The following DNAH1 variants were observed in gnomAD, a reference collection of about 807,000 sequenced individuals.
DNAH1 encodes axonemal beta dynein heavy chain 1.
In DNAH1, 327 loss-of-function variants were observed where a neutral mutation model predicts 484.3. That is an observed-to-expected ratio of 0.68 (90% confidence interval 0.62 to 0.74). The LOEUF is 0.74. Ranked by LOEUF, DNAH1 falls within the 30% of genes least tolerant of loss-of-function variation. The pLI is 0.00. For missense variants in DNAH1, 5,052 were observed against 5,546.8 expected (o/e 0.91, Z 2.83); for synonymous variants, 2,192 against 2,191.9 (o/e 1.00, Z 0.00).
intron 17 of DNAH1, 137 bp from the exon 18 acceptor site, chr3:52,352,415 T>C: frequency 8.1e-7 from 1 of 1,235,446 alleles, no homozygotes; most frequent in Non-Finnish European, 1.1e-6. Context: ...AGGAACCTGC[T>C]CACTCCAGGA....
chr3:52,314,055 G>A (rs1394136280), upstream of DNAH1, among the ~76,000 whole-genome samples: 2 of 152,220 alleles, frequency 1.3e-5, no homozygotes, highest in African/African-American at 4.8e-5. Context: ...GGAGGGCTCA[G>A]CTAAGCCTCA....
At chr3:52,376,992 TG>T (rs917283720) in intron 46 of DNAH1, among the ~76,000 whole-genome samples, 4 of 152,084 alleles carry the variant, frequency 2.6e-5, no homozygotes, top group Non-Finnish European at 5.9e-5. Context: ...TCGGCTGGAC[TG>T]GGGCTTGGTC....
rs1703476612 is a variant in DNAH1, at chr3:52,374,064, A to C, written c.6985+1011A>C. The C allele has an allele frequency of 2.9e-6, 3 of 1,025,270 alleles. No homozygotes were observed. In the East Asian group the frequency reaches 7.1e-5, roughly 24 times the overall value. 63.5% of individuals were successfully genotyped at this position (1,025,270 alleles called of 1,614,324 possible). A position where few individuals can be genotyped will look rare whatever the true frequency, so the allele number is the denominator to read the frequency against. On this transcript the variant is annotated intron_variant, in intron 44 of 77. Coordinates refer to ENST00000420323, the MANE Select transcript of DNAH1 (RefSeq NM_015512.5). ...CAGAAGTTTGTATTGCAGCTTTTAA[A>C]GCTCTTTGACAGTGAAGATCCTCAG...
intron 16 of DNAH1, 138 bp from the exon 17 acceptor site, chr3:52,351,811 GGCCCCAGGTAGCC>G: frequency 1.1e-6 from 1 of 928,948 alleles, no homozygotes; most frequent in Non-Finnish European, 1.6e-6. Context: ...GCAGCTGTCT[GGCCCCAGGTAGCC>G]TCCACAGCTG....
chr3:52,341,687 A>G (rs933415579), intron 8 of DNAH1, among the ~76,000 whole-genome samples: 7 of 152,094 alleles, frequency 4.6e-5, no homozygotes, highest in African/African-American at 1.7e-4. Context: ...ACCTAAACCA[A>G]CTGCAGTTGG....
intron 77 of DNAH1, among the ~76,000 whole-genome samples, 168 bp downstream of exon 77, chr3:52,399,947 C>T (rs999570551): frequency 6.6e-6 from 1 of 152,232 alleles, no homozygotes; most frequent in African/African-American, 2.4e-5. Flanking sequence ...TGCCGTCTGG[C>T]TGTGGGGAGC....
intron 45 of DNAH1, among the ~76,000 whole-genome samples, 162 bp downstream of exon 45, chr3:52,375,575 G>C (rs1367537293): frequency 6.6e-6 from 1 of 152,182 alleles, no homozygotes; most frequent in Admixed American, 6.5e-5. Context: ...GGCAGCTCAT[G>C]AATCTCTCTG....
chr3:52,320,289 C>T (rs931594463), intron 1 of DNAH1, among the ~76,000 whole-genome samples: 2 of 152,192 alleles, frequency 1.3e-5, no homozygotes, highest in Non-Finnish European at 2.9e-5. Context: ...GGGCCAGACT[C>T]GGCATTGTCT....
intron 46 of DNAH1, among the ~76,000 whole-genome samples, chr3:52,377,654 A>C (rs768828547): frequency 1.1e-4 from 17 of 152,060 alleles, no homozygotes; most frequent in Non-Finnish European, 2.2e-4. Flanking sequence ...TTAAGATGCC[A>C]GGCCTGCTCC....
rs1291295264 is a variant in DNAH1 at position 52,371,982 on chromosome 3, T to C, written c.6562T>C (p.Phe2188Leu). ...GAAGTGGATGGACTCCTCAGCTCCATTCACCATGGTACCAGACACCAACTA... is the reference window on the plus strand; with the variant it reads ...GAAGTGGATGGACTCCTCAGCTCCACTCACCATGGTACCAGACACCAACTA... ...WVKWMDSSAPFTMVPDTNYCN... is the reference protein window; with the variant it reads ...WVKWMDSSAPLTMVPDTNYCN... Residue 2188 changes from phenylalanine to leucine, a missense_variant, in exon 42 of 78, where the codon TTC (phenylalanine) becomes CTC (leucine). Physicochemically the swap from Phe to Leu is conservative, Grantham distance 22. Coordinates refer to ENST00000420323, the MANE Select transcript of DNAH1 (RefSeq NM_015512.5). 6.2e-7 allele frequency: 1 copy of C among 1,613,798 alleles called. No homozygotes were observed. The highest frequency in any genetic ancestry group is 2.2e-5 in the East Asian group (1 of 44,880).
intron 6 of DNAH1, among the ~76,000 whole-genome samples, chr3:52,329,769 G>A (rs1170936578): frequency 1.3e-5 from 2 of 151,694 alleles, no homozygotes; most frequent in Non-Finnish European, 2.9e-5. Flanking sequence ...AGGTTGGAGT[G>A]AGTGGAGCTC....
rs1703011939 is a variant in DNAH1 at position 52,364,953 on chromosome 3, G to A, written c.5452G>A (p.Asp1818Asn). 19 of 1,613,980 alleles carry A rather than the reference G, an allele frequency of 1.2e-5. No individual in the cohort carries two copies. The highest frequency in any genetic ancestry group is 2.2e-5 in the East Asian group (1 of 44,884). ...TCCCACCATCAAGGAGGAGGACACG[G>A]ACTACGGCATCCTGGATGAGGCCAT... ...LFPTIKEEDT[D>N]YGILDEAIRE... Residue 1818 changes from aspartate (D) to asparagine (N), a missense_variant, in exon 34 of 78, where the codon GAC becomes AAC. By Grantham distance (23) the Asp-to-Asn change is conservative (BLOSUM62 1). Around this residue, in one of 4 missense-constraint regions of DNAH1, gnomAD observed 2,929 missense variants for 3,409.4 expected, o/e 0.86. Transcript: ENST00000420323. The surrounding 1 kb of genome is among the most constrained non-coding windows in gnomAD (Gnocchi z 4.2).
chr3:52,318,203 C>T (rs992710804), intron 1 of DNAH1, among the ~76,000 whole-genome samples: 5 of 152,238 alleles, frequency 3.3e-5, no homozygotes, highest in Non-Finnish European at 5.9e-5. Context: ...ACGCACCCGC[C>T]ATCATGCCGG....
intron 8 of DNAH1, among the ~76,000 whole-genome samples, chr3:52,334,464 A>G (rs556939097): frequency 6.6e-6 from 1 of 152,264 alleles, no homozygotes; most frequent in Admixed American, 6.5e-5. Context: ...ATTTATTTTA[A>G]ATTTTTCTTT....
chr3:52,358,427 C>CG lies in DNAH1; in HGVS notation c.4087-125dup, dbSNP rs1226921634. 1.2e-5 allele frequency: 12 copies of CG among 1,028,076 alleles called. No individual in the cohort carries two copies. Among genetic ancestry groups the CG allele is most frequent in the Admixed American group, 5.7e-5 (2 of 34,910 alleles). 63.7% of individuals were successfully genotyped at this position (1,028,076 alleles called of 1,614,324 possible). On this transcript the variant is annotated intron_variant, in intron 24 of 77. Coordinates refer to ENST00000420323, the MANE Select transcript of DNAH1 (RefSeq NM_015512.5). The surrounding 1 kb of genome is among the most constrained non-coding windows in gnomAD (Gnocchi z 4.2). ...GGAAGGCCCAGCCAAGATAGACTCT[C>CG]GGGGGGACGGGAAGGCAGGGCTTTC...
intron 62 of DNAH1, 39 bp downstream of exon 62, chr3:52,391,367 T>A (rs761578475): frequency 1.3e-6 from 2 of 1,594,152 alleles, no homozygotes; most frequent in Admixed American, 3.5e-5. Context: ...GCAGTAGGCC[T>A]GGACAGGGCA....
In DNAH1 at chr3:52,375,381, G is replaced by T. The variant is rs1218859728; in HGVS notation, c.7127G>T (p.Arg2376Leu). ...FAEMDEVSKKRIFSTILGNWL... is the reference protein window; with the variant it reads ...FAEMDEVSKKLIFSTILGNWL... ...GAGATGGACGAGGTCAGCAAGAAAC[G>T]CATCTTCTCCACCATCCTGGGCAAC... The change falls in exon 45 of 78, where the codon CGC becomes CTC. Residue 2376 changes from arginine (R) to leucine (L), a missense_variant. Transcript: ENST00000420323. 6 of 1,613,532 alleles carry T rather than the reference G, an allele frequency of 3.7e-6. No homozygotes were observed. Among genetic ancestry groups the T allele is most frequent in the Non-Finnish European group, 4.2e-6 (5 of 1,179,750 alleles).
chr3:52,366,627 C>G (rs1703086406), intron 35 of DNAH1, 79 bp downstream of exon 35: 2 of 1,552,036 alleles, frequency 1.3e-6, no homozygotes, highest in Non-Finnish European at 8.7e-7. Flanking sequence ...GGGTTGGCCT[C>G]CATTTGTGCC....
chr3:52,396,286 G>C, intron 70 of DNAH1, 82 bp from the exon 71 acceptor site: 4 of 1,465,804 alleles, frequency 2.7e-6, no homozygotes, highest in Non-Finnish European at 3.7e-6. Context: ...CCCACCTCAG[G>C]GTCCCTGGGC....
Sources: gnomAD v4.1 joint callset for allele counts (sites outside exome capture counted in the v4.1 genomes callset) on GRCh38, gnomAD v4.1.1 for gene constraint, gnomAD v4.1.1 regional missense constraint, Gnocchi (gnomAD v3.1) non-coding constraint, MANE v1.5 for transcripts, NCBI Gene and HGNC (gene_info 2026-07-23, HGNC 2026-07-21) for gene names.